Variants in KCNH5 observed in about 807,000 individuals in gnomAD.
KCNH5 encodes the protein potassium voltage-gated channel subfamily H member 5, also known as voltage-gated delayed rectifier potassium channel KCNH5.
Under a neutral mutation model 96.1 loss-of-function variants are expected in KCNH5, and 46 were observed. The observed-to-expected ratio is 0.48, with a 90% CI of 0.38 to 0.61. KCNH5 has a LOEUF of 0.61. Among genes scored for constraint, KCNH5 ranks in the 20% least tolerant of loss-of-function variants. The pLI is 0.00. For missense variants in KCNH5, 907 were observed against 1,225.8 expected (o/e 0.74, Z 3.88); for synonymous variants, 439 against 449.8 (o/e 0.98, Z 0.30).
intron 8 of KCNH5, among the ~76,000 whole-genome samples, chr14:62,816,318 G>A (rs1053868930): frequency 4.6e-5 from 7 of 151,928 alleles, no homozygotes; most frequent in African/African-American, 9.6e-5. Context: ...ATATATCAGC[G>A]TGTATGTGTG....
chr14:62,716,787 G>C (rs1393480883), intron 10 of KCNH5, among the ~76,000 whole-genome samples: 1 of 152,034 alleles, frequency 6.6e-6, no homozygotes, highest in African/African-American at 2.4e-5. Context: ...TGTATTGGGG[G>C]GTTCTAGCCA....
At chr14:62,764,221 T>C (rs555800796) in intron 10 of KCNH5, among the ~76,000 whole-genome samples, 4 of 152,062 alleles carry the variant, frequency 2.6e-5, no homozygotes, top group African/African-American at 9.7e-5. Context: ...GTTAAACACA[T>C]GCAAATCAAT....
At chr14:62,994,396 C>T (rs1280913863) in intron 4 of KCNH5, among the ~76,000 whole-genome samples, 2 of 151,984 alleles carry the variant, frequency 1.3e-5, no homozygotes, top group East Asian at 1.9e-4. Context: ...TATAAATGGG[C>T]AGAGATTTAG....
At chr14:62,889,092 C>T (rs1020499058) in intron 7 of KCNH5, among the ~76,000 whole-genome samples, 2 of 152,156 alleles carry the variant, frequency 1.3e-5, no homozygotes, top group Non-Finnish European at 2.9e-5. Context: ...TGTGCATGAG[C>T]TCTGAGAAGG....
intron 7 of KCNH5, among the ~76,000 whole-genome samples, chr14:62,873,079 G>A (rs1328256573): frequency 1.3e-5 from 2 of 151,406 alleles, no homozygotes; most frequent in African/African-American, 4.9e-5. Context: ...GAACCCAGGA[G>A]GCAGAGCTTG....
intron 7 of KCNH5, among the ~76,000 whole-genome samples, chr14:62,919,506 T>C (rs1414632861): frequency 1.3e-5 from 2 of 152,154 alleles, no homozygotes; most frequent in Non-Finnish European, 2.9e-5. Context: ...AAAGGCTGCC[T>C]TACCAAGTTC....
intron 7 of KCNH5, among the ~76,000 whole-genome samples, chr14:62,915,722 T>G (rs1220652104): frequency 2.6e-5 from 4 of 152,168 alleles, no homozygotes; most frequent in Admixed American, 1.3e-4. Context: ...AATCAGTGCT[T>G]AAAAACAGTA....
rs1189068034 is a variant in KCNH5 at position 62,706,233 on chromosome 14, G to A, written c.*1275C>T. ...GTATCCCCCTTTCACAAATGGACCTGCCTGAGCCACAATAGCTTATTGAAT... is the reference window on the plus strand; with the variant it reads ...GTATCCCCCTTTCACAAATGGACCTACCTGAGCCACAATAGCTTATTGAAT... On this transcript the variant is annotated 3_prime_UTR_variant, in exon 11 of 11. Transcript: ENST00000322893. 1 of 152,108 alleles carries A rather than the reference G, an allele frequency of 6.6e-6. No individual in the cohort carries two copies. The highest frequency in any genetic ancestry group is 1.5e-5 in the Non-Finnish European group (1 of 67,954). 9.4% of individuals were successfully genotyped at this position (152,108 alleles called of 1,614,324 possible). A position where few individuals can be genotyped will look rare whatever the true frequency, so the allele number is the denominator to read the frequency against.
At chr14:62,912,900 G>A (rs1438346836) in intron 7 of KCNH5, among the ~76,000 whole-genome samples, 1 of 152,124 alleles carries the variant, frequency 6.6e-6, no homozygotes, top group Non-Finnish European at 1.5e-5. Flanking sequence ...TTCACAGATT[G>A]GTATGTCTGT....
rs34044347 is a variant in KCNH5, at chr14:62,912,410, A to AT, written c.1369+37722dup. On this transcript the variant is annotated intron_variant, in intron 7 of 10. Coordinates refer to ENST00000322893, the MANE Select transcript of KCNH5 (RefSeq NM_139318.5). ...ATCATTTACTTCCTTCTATATCTTG[A>AT]TTTTTTTTTTTTTTAGACGGAGTTT... is the stretch of plus-strand genomic sequence containing the variant. Among the ~76,000 whole-genome samples, 187 of 142,076 alleles carry AT rather than the reference A, an allele frequency of 1.3e-3. 1 individual carries two copies. Among genetic ancestry groups the AT allele is most frequent in the East Asian group, 2.4e-3 (12 of 4,922 alleles). 93.2% of individuals were successfully genotyped at this position (142,076 alleles called of 152,430 possible).
At chr14:63,003,837 G>A (rs931571152) in intron 3 of KCNH5, among the ~76,000 whole-genome samples, 1 of 151,022 alleles carries the variant, frequency 6.6e-6, no homozygotes, top group East Asian at 1.9e-4. Flanking sequence ...AACCAGGATG[G>A]TCTCGATTTC....
At chr14:62,744,678 G>A (rs1312899568) in intron 10 of KCNH5, among the ~76,000 whole-genome samples, 1 of 152,184 alleles carries the variant, frequency 6.6e-6, no homozygotes, top group East Asian at 1.9e-4. Context: ...AGATTCGTAA[G>A]TAGATAAACT....
chr14:62,846,625 T>C (rs1008461600), intron 8 of KCNH5, among the ~76,000 whole-genome samples: 1 of 151,690 alleles, frequency 6.6e-6, no homozygotes, highest in Non-Finnish European at 1.5e-5. Flanking sequence ...TTAAGTAGTA[T>C]GTCAATTCCA....
At chr14:62,954,210 C>T (rs1890057523) in intron 6 of KCNH5, among the ~76,000 whole-genome samples, 1 of 152,202 alleles carries the variant, frequency 6.6e-6, no homozygotes, top group Non-Finnish European at 1.5e-5. Context: ...CAAATACTCT[C>T]TCTTCCATGT....
At chr14:62,834,280 C>A (rs189353809) in intron 8 of KCNH5, among the ~76,000 whole-genome samples, 1 of 151,966 alleles carries the variant, frequency 6.6e-6, no homozygotes, top group Non-Finnish European at 1.5e-5. Context: ...TCATAACTAC[C>A]TATTCATGGC....
At chr14:63,045,034 A>T in intron 1 of KCNH5, 80 bp downstream of exon 1, 1 of 1,107,790 alleles carries the variant, frequency 9.0e-7, no homozygotes, top group Non-Finnish European at 1.4e-6. Flanking sequence ...CCCCCTTGGG[A>T]GAGGGATGGG....
At chr14:62,960,683 A>T (rs952960950) in intron 6 of KCNH5, among the ~76,000 whole-genome samples, 1 of 152,164 alleles carries the variant, frequency 6.6e-6, no homozygotes, top group African/African-American at 2.4e-5. Context: ...CAGAAAAAAA[A>T]TTGCAAACTA....
chr14:62,884,995 AAAC>A (rs1216007401), intron 7 of KCNH5, among the ~76,000 whole-genome samples: 1 of 152,224 alleles, frequency 6.6e-6, no homozygotes, highest in Non-Finnish European at 1.5e-5. Flanking sequence ...AGTGTACAAA[AAAC>A]AACAACGATC....
chr14:62,743,814 G>A (rs981741924), intron 10 of KCNH5, among the ~76,000 whole-genome samples: 1 of 152,142 alleles, frequency 6.6e-6, no homozygotes, highest in Admixed American at 6.6e-5. Flanking sequence ...TCTAGGGACT[G>A]TGGAAGTCCC....
Sources: gnomAD v4.1 joint callset for allele counts (sites outside exome capture counted in the v4.1 genomes callset) on GRCh38, gnomAD v4.1.1 for gene constraint, MANE v1.5 for transcripts, NCBI Gene and HGNC (gene_info 2026-07-23, HGNC 2026-07-21) for gene names.